Variants in CCDC192 observed in about 807,000 individuals in gnomAD.
The protein encoded by CCDC192 is coiled-coil domain-containing protein 192.
chr5:127,834,301 T>TA (rs1288729660), intron 5 of CCDC192, among the ~76,000 whole-genome samples: 2 of 152,214 alleles, frequency 1.3e-5, no homozygotes, highest in African/African-American at 4.8e-5. Flanking sequence ...ATCACTTGTC[T>TA]AAAAAATGTA....
intron 2 of CCDC192, among the ~76,000 whole-genome samples, chr5:127,708,995 T>C (rs1178642247): frequency 2.6e-5 from 4 of 151,820 alleles, no homozygotes; most frequent in Non-Finnish European, 5.9e-5. Flanking sequence ...TTCTGCAGGC[T>C]GTACGGGAAG....
At chr5:127,927,428 C>G (rs1333363851) in intron 6 of CCDC192, among the ~76,000 whole-genome samples, 2 of 151,912 alleles carry the variant, frequency 1.3e-5, no homozygotes, top group African/African-American at 4.8e-5. Flanking sequence ...CACGGGGGGT[C>G]TTGGAACTAT....
Position 127,868,109 on chromosome 5 carries a change from G to T in CCDC192, c.412-7429G>T, listed in dbSNP as rs73785704. ...CTGTCTATGTATACTACATAAAGGG[G>T]CCAGAGCCCAGTCTTCCCTGGCTCT... is the stretch of plus-strand genomic sequence containing the variant. On this transcript the variant is annotated intron_variant, in intron 5 of 6. Coordinates refer to ENST00000514853, the MANE Select transcript of CCDC192 (RefSeq NM_001317938.2). Among the ~76,000 whole-genome samples the T allele has an allele frequency of 8.1e-3, 1,230 of 151,854 alleles. 15 individuals carry two copies. The highest frequency in any genetic ancestry group is 0.029 in the African/African-American group (1,184 of 41,364).
intron 5 of CCDC192, among the ~76,000 whole-genome samples, chr5:127,829,161 G>T (rs906650622): frequency 1.3e-5 from 2 of 152,116 alleles, no homozygotes; most frequent in South Asian, 2.1e-4. Context: ...GGAGAGGGGG[G>T]AGTCTGTTGA....
chr5:127,719,921 C>A (rs992419998), intron 2 of CCDC192, among the ~76,000 whole-genome samples: 1 of 152,004 alleles, frequency 6.6e-6, no homozygotes, highest in African/African-American at 2.4e-5. Flanking sequence ...ATGTCCACCC[C>A]CCGATCCAAT....
chr5:127,889,881 A>T (rs1351646980), intron 6 of CCDC192, among the ~76,000 whole-genome samples: 5 of 147,812 alleles, frequency 3.4e-5, no homozygotes, highest in South Asian at 2.2e-4. Context: ...AGTTTTATAA[A>T]TTTTTTTTTT....
At chr5:127,904,364 G>C (rs527394100) in intron 6 of CCDC192, among the ~76,000 whole-genome samples, 1 of 152,104 alleles carries the variant, frequency 6.6e-6, no homozygotes, top group Non-Finnish European at 1.5e-5. Flanking sequence ...TCATTTGTTA[G>C]AGCAGCAATA....
Position 127,888,532 on chromosome 5 carries a change from A to T in CCDC192, c.535+12871A>T, listed in dbSNP as rs551425356. The stretch of plus-strand genomic sequence containing the variant: ...CATGCTCCTGAATACTAGATCTAGT[A>T]TCACTATACTTCTAATTCATATAGG... On this transcript the variant is annotated intron_variant, in intron 6 of 6. Transcript: ENST00000514853. Among the ~76,000 whole-genome samples the T allele has an allele frequency of 5.2e-4, 79 of 152,302 alleles. No homozygotes were observed. The South Asian group carries it at 0.013, about 24-fold the overall frequency.
chr5:127,886,512 T>C (rs1752563893), intron 6 of CCDC192, among the ~76,000 whole-genome samples: 1 of 152,196 alleles, frequency 6.6e-6, no homozygotes, highest in Non-Finnish European at 1.5e-5. Context: ...CCTCAGATGC[T>C]GAGGATGAAG....
At chr5:127,752,691 G>T (rs1302118729) in intron 2 of CCDC192, among the ~76,000 whole-genome samples, 1 of 152,244 alleles carries the variant, frequency 6.6e-6, no homozygotes. Context: ...CCTGGGCAAT[G>T]GCGGGCGCCC....
At chr5:127,730,664 T>A (rs528147465) in intron 2 of CCDC192, among the ~76,000 whole-genome samples, 1 of 152,288 alleles carries the variant, frequency 6.6e-6, no homozygotes, top group East Asian at 1.9e-4. Flanking sequence ...AAAAAGCTTA[T>A]CCACTATGAT....
At chr5:127,819,764 A>C (rs1561506733) in intron 5 of CCDC192, among the ~76,000 whole-genome samples, 1 of 152,122 alleles carries the variant, frequency 6.6e-6, no homozygotes, top group Non-Finnish European at 1.5e-5. Context: ...CCTATAAAAC[A>C]ATTTACAGGG....
chr5:127,832,773 A>G (rs192019254), intron 5 of CCDC192, among the ~76,000 whole-genome samples: 49 of 152,296 alleles, frequency 3.2e-4, no homozygotes, highest in African/African-American at 1.1e-3. Context: ...TATCTTGTTC[A>G]TGTTCACATC....
chr5:127,776,650 G>A (rs1025153741), intron 3 of CCDC192, among the ~76,000 whole-genome samples: 5 of 152,168 alleles, frequency 3.3e-5, no homozygotes, highest in Admixed American at 1.3e-4. Flanking sequence ...TCCATCACAC[G>A]CATGGAGGCC....
At chr5:127,830,773 A>C (rs1580722452) in intron 5 of CCDC192, among the ~76,000 whole-genome samples, 1 of 152,080 alleles carries the variant, frequency 6.6e-6, no homozygotes, top group Admixed American at 6.5e-5. Flanking sequence ...GAAAAAAAAA[A>C]AAACAGGAAA....
chr5:127,767,325 T>C (rs1309521429), intron 3 of CCDC192, among the ~76,000 whole-genome samples: 1 of 152,160 alleles, frequency 6.6e-6, no homozygotes, highest in African/African-American at 2.4e-5. Flanking sequence ...CCCAGATGGG[T>C]AAACTACCGT....
chr5:127,856,940 G>A (rs764229166), intron 5 of CCDC192, among the ~76,000 whole-genome samples: 3 of 152,194 alleles, frequency 2.0e-5, no homozygotes, highest in Admixed American at 6.6e-5. Context: ...AATATTACAA[G>A]AGTTACCAAG....
rs78623855 is a variant in CCDC192, at chr5:127,791,458, A to G, written c.223-5645A>G. ...AGTTCTAGGAACTGGTCCTGTCACA[A>G]AAATAACTACTGAACTGGCAAGAAC... is the stretch of plus-strand genomic sequence containing the variant. On this transcript the variant is annotated intron_variant, in intron 3 of 6. Transcript: ENST00000514853. Among the ~76,000 whole-genome samples the G allele has an allele frequency of 2.5e-3, 381 of 152,358 alleles. 2 individuals carry two copies. The highest frequency in any genetic ancestry group is 8.7e-3 in the African/African-American group (360 of 41,588).
intron 5 of CCDC192, among the ~76,000 whole-genome samples, chr5:127,810,902 G>GT (rs1758044857): frequency 6.6e-6 from 1 of 152,152 alleles, no homozygotes; most frequent in Non-Finnish European, 1.5e-5. Flanking sequence ...CTTGCCAAAA[G>GT]TTGGGGCCAC....
Sources: allele counts gnomAD v4.1 joint callset (sites outside exome capture counted in the v4.1 genomes callset), GRCh38; gene constraint gnomAD v4.1.1; transcripts MANE v1.5; gene names NCBI Gene and HGNC (gene_info 2026-07-23, HGNC 2026-07-21).